CORO2A: variants seen among roughly 807,000 people sequenced by gnomAD.
CORO2A encodes coronin-2A.
CORO2A carries 47 observed loss-of-function variants against 62.4 expected under a neutral mutation model. That is an observed-to-expected ratio of 0.75 (90% CI 0.60 to 0.96). CORO2A has a LOEUF of 0.96. CORO2A is among the 40% of genes least tolerant of loss of function. The pLI, the probability that CORO2A is intolerant of heterozygous loss-of-function variation, is 0.00. For synonymous variants in CORO2A, 273 were observed against 268.9 expected, an observed-to-expected ratio of 1.02 and a Z score of -0.15; for missense variants, 610 against 684.1, an observed-to-expected ratio of 0.89 and a Z score of 1.21.
At chr9:98,138,905 G>A (rs374974856) in intron 2 of CORO2A, among the ~76,000 whole-genome samples, 30 of 152,020 alleles carry the variant, frequency 2.0e-4, no homozygotes, top group African/African-American at 4.8e-4. Context: ...AAATTAGCCC[G>A]GCGTGGTGGT....
chr9:98,139,920 T>C (rs1381039664), intron 2 of CORO2A, among the ~76,000 whole-genome samples: 1 of 152,192 alleles, frequency 6.6e-6, no homozygotes, highest in East Asian at 1.9e-4. Context: ...GGGAGGGACA[T>C]ACAGGTCCCC....
intron 2 of CORO2A, among the ~76,000 whole-genome samples, chr9:98,142,798 C>T (rs978768012): frequency 2.0e-5 from 3 of 150,244 alleles, no homozygotes; most frequent in Non-Finnish European, 3.0e-5. Flanking sequence ...CCCACTCACA[C>T]CCCAGCCCAC....
At chr9:98,139,579 A>C (rs540036348) in intron 2 of CORO2A, among the ~76,000 whole-genome samples, 1 of 152,320 alleles carries the variant, frequency 6.6e-6, no homozygotes, top group South Asian at 2.1e-4. Flanking sequence ...GTGAGCTGAG[A>C]TTGTGCCACT....
At chr9:98,128,106 T>G (rs999227183) in intron 10 of CORO2A, 64 bp downstream of exon 10, 1 of 1,358,504 alleles carries the variant, frequency 7.4e-7, no homozygotes, top group Admixed American at 1.8e-5. Context: ...CTCAATTGCT[T>G]GGGGCCACTG....
chr9:98,174,870 T>C (rs536054571), intron 1 of CORO2A, among the ~76,000 whole-genome samples: 2 of 152,244 alleles, frequency 1.3e-5, no homozygotes, highest in Admixed American at 1.3e-4. Context: ...AGTGGACTAA[T>C]ACAGATGGCT....
chr9:98,132,920 TGTGAAGGCGCAGCCCAGACGCTGACA>T, intron 5 of CORO2A, 92 bp downstream of exon 5: 1 of 1,160,888 alleles, frequency 8.6e-7, no homozygotes, highest in African/African-American at 1.5e-5. Flanking sequence ...GGATGCTGCC[TGTGAAGGCGCAGCCCAGACGCTGACA>T]GCATCACTGT....
Position 98,128,273 on chromosome 9 carries a change from T to A in CORO2A, c.1081-13A>T. ...GGTAGGATTCTGACTGCAGGAGAAATCCAGACAGTGAGGAGGGTGGTAGGG... is the reference window on the plus strand; with the variant it reads ...GGTAGGATTCTGACTGCAGGAGAAAACCAGACAGTGAGGAGGGTGGTAGGG... On this transcript the variant is annotated splice_polypyrimidine_tract_variant and intron_variant, in intron 9 of 11. Transcript: ENST00000375077. 1 of 1,604,332 alleles carries A rather than the reference T, an allele frequency of 6.2e-7. No individual in the cohort carries two copies. The highest frequency in any genetic ancestry group is 8.5e-7 in the Non-Finnish European group (1 of 1,172,208).
chr9:98,152,316 G>T (rs866510684), intron 2 of CORO2A, among the ~76,000 whole-genome samples: 4 of 151,840 alleles, frequency 2.6e-5, no homozygotes, highest in South Asian at 2.1e-4. Context: ...TTGAGACAGG[G>T]TGTCGCTTTG....
Position 98,124,577 on chromosome 9 carries a change from G to A in CORO2A, c.*197C>T. ...ATCATCTGAAAACAAAGTCAATTCA[G>A]AAACTGTTGTTGCAAGAAGGCAAAC... On this transcript the variant is annotated 3_prime_UTR_variant, in exon 12 of 12. Coordinates refer to ENST00000375077, the MANE Select transcript of CORO2A (RefSeq NM_052820.4). 6.0e-6 allele frequency: 3 copies of A among 501,966 alleles called. No individual in the cohort carries two copies. The highest frequency in any genetic ancestry group is 1.0e-5 in the Non-Finnish European group (3 of 295,670). The allele number at this position is 501,966 out of a possible 1,614,324, so 31.1% of individuals were successfully genotyped here. A position where few individuals can be genotyped will look rare whatever the true frequency, so the allele number is the denominator to read the frequency against.
intron 1 of CORO2A, among the ~76,000 whole-genome samples, chr9:98,168,509 A>G (rs575307313): frequency 6.4e-4 from 98 of 152,364 alleles, no homozygotes; most frequent in African/African-American, 2.3e-3. Context: ...TAACTTGCCT[A>G]AGATCACATA....
chr9:98,133,418 G>A lies in CORO2A; in HGVS notation c.469-201C>T, dbSNP rs559004487. Among the ~76,000 whole-genome samples the A allele has an allele frequency of 5.9e-5, 9 of 152,312 alleles. No individual in the cohort carries two copies. In the East Asian group the frequency reaches 1.5e-3, roughly 26 times the overall value. ...GGAGGGGGAATCCCAGGGCCAGGCT[G>A]TCTAGTGGTGAAAGGAAAACGCCAC... On this transcript the variant is annotated intron_variant, in intron 4 of 11. Coordinates refer to ENST00000375077, the MANE Select transcript of CORO2A (RefSeq NM_052820.4).
At chr9:98,155,074 C>T (rs1827784312) in intron 2 of CORO2A, among the ~76,000 whole-genome samples, 1 of 152,182 alleles carries the variant, frequency 6.6e-6, no homozygotes, top group African/African-American at 2.4e-5. Context: ...TGTATACTTG[C>T]TGTCATTTAC....
chr9:98,157,485 G>T lies in CORO2A; in HGVS notation c.176C>A (p.Ala59Asp), dbSNP rs1340580257. 1.6e-5 allele frequency: 26 copies of T among 1,614,064 alleles called. No homozygotes were observed. Among genetic ancestry groups the T allele is most frequent in the Admixed American group, 1.2e-4 (7 of 60,002 alleles). ...CTGGTGCAGGGGGATGACGAGGAAG[G>T]CCCCTCCACCAGCACACTCAGTCAC... ...AVVTECAGGGAFLVIPLHQTG... is the reference protein window; with the variant it reads ...AVVTECAGGGDFLVIPLHQTG... Residue 59 changes from alanine to aspartate, a missense_variant, in exon 2 of 12, where the codon GCC (alanine) becomes GAC (aspartate). Physicochemically the swap from Ala to Asp is moderately radical, Grantham distance 126. Coordinates refer to ENST00000375077, the MANE Select transcript of CORO2A (RefSeq NM_052820.4).
At position 98,124,628 on chromosome 9, in the gene CORO2A, G is replaced by T; in HGVS notation, c.*146C>A. 1 of 798,840 alleles carries T rather than the reference G, an allele frequency of 1.3e-6. No individual in the cohort carries two copies. The highest frequency in any genetic ancestry group is 1.8e-5 in the African/African-American group (1 of 57,032). 49.5% of individuals were successfully genotyped at this position (798,840 alleles called of 1,614,324 possible). On this transcript the variant is annotated 3_prime_UTR_variant, in exon 12 of 12. Transcript: ENST00000375077. ...AGAAAAACGGCACCATGTCCCACTG[G>T]AATCTCTTTCAGCGATGGAGAGTTT...
rs1380122752 is a variant in CORO2A, at chr9:98,130,446, C to G, written c.870+509G>C. Among the ~76,000 whole-genome samples the G allele has an allele frequency of 2.0e-5, 3 of 152,286 alleles. No homozygotes were observed. The East Asian group carries it at 5.8e-4, about 29-fold the overall frequency. On this transcript the variant is annotated intron_variant, in intron 7 of 11. Coordinates refer to ENST00000375077, the MANE Select transcript of CORO2A (RefSeq NM_052820.4). ...CATGACCCAAAGCCCACCCTTTTTC[C>G]TCTAAGACAGAAGCTCTGGGAAGAC... is the stretch of plus-strand genomic sequence containing the variant.
rs769878882 is a variant in CORO2A at position 98,126,571 on chromosome 9, G to T, written c.1424C>A (p.Pro475His). The T allele has an allele frequency of 1.2e-6, 2 of 1,613,836 alleles. No individual in the cohort carries two copies. The highest frequency in any genetic ancestry group is 1.7e-6 in the Non-Finnish European group (2 of 1,179,836). The change falls in exon 11 of 12, where the codon CCC becomes CAC. Residue 475 changes from proline (P) to histidine (H), a missense_variant. By Grantham distance (77) the Pro-to-His change is moderately conservative. Coordinates refer to ENST00000375077, the MANE Select transcript of CORO2A (RefSeq NM_052820.4). ...LTNGFDVFEC[P>H]PPKTENELLQ... is the part of the protein sequence containing the mutation. ...CACCTCATTCTCTGTCTTTGGTGGG[G>T]GGCATTCGAAAACGTCAAAGCCATT...
intron 1 of CORO2A, among the ~76,000 whole-genome samples, chr9:98,158,424 T>C (rs1433521283): frequency 6.6e-6 from 1 of 152,200 alleles, no homozygotes; most frequent in Admixed American, 6.5e-5. Flanking sequence ...ACTAGTATCA[T>C]CTGGGCATCT....
intron 1 of CORO2A, among the ~76,000 whole-genome samples, chr9:98,188,853 A>C (rs894203619): frequency 2.0e-5 from 3 of 152,250 alleles, no homozygotes; most frequent in African/African-American, 7.2e-5. Context: ...GTAGGTGCTT[A>C]ATAAATACTG....
At chr9:98,126,235 T>C (rs556894740) in intron 11 of CORO2A, among the ~76,000 whole-genome samples, 75 of 151,652 alleles carry the variant, frequency 4.9e-4, no homozygotes, top group Non-Finnish European at 6.6e-4. Context: ...GGGGTTTCAC[T>C]ATGTTGGCCA....
Sources: gnomAD v4.1 joint callset for allele counts (sites outside exome capture counted in the v4.1 genomes callset) on GRCh38, gnomAD v4.1.1 for gene constraint, MANE v1.5 for transcripts, NCBI Gene and HGNC (gene_info 2026-07-23, HGNC 2026-07-21) for gene names.